Variants in GTF2F2 observed in about 807,000 individuals in gnomAD.
GTF2F2 encodes ATP-dependent helicase GTF2F2.
A neutral mutation model predicts 42.2 loss-of-function variants in GTF2F2; 23 were observed. That is an observed-to-expected ratio of 0.55 (90% CI 0.39 to 0.77). GTF2F2 has a LOEUF of 0.77. Ranked by LOEUF, GTF2F2 falls within the 30% of genes least tolerant of loss-of-function variation. The probability of loss-of-function intolerance (pLI) is 0.00; values close to 1 mark genes in which losing one functional copy is unlikely to be tolerated. For missense variants in GTF2F2, 261 were observed against 287.2 expected (o/e 0.91, Z 0.66); for synonymous variants, 105 against 100.8 (o/e 1.04, Z -0.25).
At chr13:45,174,634 C>CTTTTTTTTTTTTT (rs397950608) in intron 4 of GTF2F2, among the ~76,000 whole-genome samples, 4 of 81,500 alleles carry the variant, frequency 4.9e-5, no homozygotes, top group East Asian at 3.3e-4. Flanking sequence ...TTTCTTTTTT[C>CTTTTTTTTTTTTT]TTTTTTTTTT....
intron 4 of GTF2F2, among the ~76,000 whole-genome samples, chr13:45,181,100 G>T (rs532538549): frequency 6.6e-6 from 1 of 151,596 alleles, no homozygotes; most frequent in South Asian, 2.1e-4. Flanking sequence ...CCAGGAGGTG[G>T]AGGTTGCAGT....
intron 7 of GTF2F2, among the ~76,000 whole-genome samples, chr13:45,277,863 G>GT (rs1056871169): frequency 6.6e-6 from 1 of 152,160 alleles, no homozygotes; most frequent in African/African-American, 2.4e-5. Context: ...CATCATCAGT[G>GT]TAAGTTTGCA....
intron 5 of GTF2F2, among the ~76,000 whole-genome samples, chr13:45,240,109 T>A (rs1204034304): frequency 6.8e-6 from 1 of 146,848 alleles, no homozygotes; most frequent in Non-Finnish European, 1.5e-5. Context: ...GGATTTTTTT[T>A]TTTTTTTTTT....
intron 5 of GTF2F2, among the ~76,000 whole-genome samples, chr13:45,236,634 G>A (rs1438774810): frequency 1.3e-5 from 2 of 152,090 alleles, no homozygotes; most frequent in Non-Finnish European, 2.9e-5. Flanking sequence ...TTCCCTAAAA[G>A]CATTAGCCTA....
chr13:45,283,318 C>A, intron 7 of GTF2F2, 124 bp from the exon 8 acceptor site: 1 of 787,982 alleles, frequency 1.3e-6, no homozygotes, highest in Non-Finnish European at 1.9e-6. Flanking sequence ...ATAGAGAAAT[C>A]TTGCTGAGCT....
At chr13:45,259,156 G>A (rs1019970129) in intron 6 of GTF2F2, among the ~76,000 whole-genome samples, 1 of 152,150 alleles carries the variant, frequency 6.6e-6, no homozygotes, top group Admixed American at 6.5e-5. Context: ...GCCGGGTGCG[G>A]TGGCTCACAC....
chr13:45,234,066 TC>T (rs1163590389), intron 5 of GTF2F2, among the ~76,000 whole-genome samples: 1 of 152,218 alleles, frequency 6.6e-6, no homozygotes, highest in East Asian at 1.9e-4. Context: ...GCAACGCAGA[TC>T]ATCATATTAA....
At chr13:45,271,003 C>G (rs1007162513) in intron 7 of GTF2F2, among the ~76,000 whole-genome samples, 1 of 152,136 alleles carries the variant, frequency 6.6e-6, no homozygotes, top group African/African-American at 2.4e-5. Context: ...GAAAACTAGT[C>G]CCTGATTGGC....
intron 5 of GTF2F2, among the ~76,000 whole-genome samples, chr13:45,238,106 G>A (rs1054116126): frequency 3.9e-5 from 6 of 151,968 alleles, no homozygotes; most frequent in Non-Finnish European, 8.8e-5. Context: ...GGTGCACACC[G>A]CTGCACTCGG....
chr13:45,128,610 GAGAA>G (rs1869171473), intron 1 of GTF2F2, among the ~76,000 whole-genome samples: 1 of 151,462 alleles, frequency 6.6e-6, no homozygotes, highest in African/African-American at 2.4e-5. Flanking sequence ...TTTATTTTTT[GAGAA>G]AGAGTCTCGC....
chr13:45,158,395 T>G lies in GTF2F2; in HGVS notation c.304+6564T>G, dbSNP rs117934296. Among the ~76,000 whole-genome samples the G allele has an allele frequency of 5.2e-3, 791 of 152,348 alleles. 4 individuals are homozygous for G. Among genetic ancestry groups the G allele is most frequent in the Non-Finnish European group, 8.5e-3 (577 of 68,032 alleles). On this transcript the variant is annotated intron_variant, in intron 4 of 7. Transcript: ENST00000340473. Reference sequence around the variant, plus strand: ...GGAACTGAGTCTGTTAAACTTCTTTTTCTTTATAAATTACCCAGTCTTGGG... The same window carrying G: ...GGAACTGAGTCTGTTAAACTTCTTTGTCTTTATAAATTACCCAGTCTTGGG...
At chr13:45,121,781 T>A (rs773226340) in intron 1 of GTF2F2, among the ~76,000 whole-genome samples, 8 of 152,214 alleles carry the variant, frequency 5.3e-5, no homozygotes, top group Non-Finnish European at 1.0e-4. Context: ...GACCTCTCAT[T>A]CTTCAGCCCT....
intron 4 of GTF2F2, among the ~76,000 whole-genome samples, chr13:45,173,747 A>G (rs746547348): frequency 2.7e-5 from 4 of 149,688 alleles, no homozygotes; most frequent in Non-Finnish European, 1.5e-5. Context: ...CCCCCCGAGT[A>G]GCTGGGACTA....
intron 6 of GTF2F2, among the ~76,000 whole-genome samples, chr13:45,264,765 TAAC>T (rs1876495527): frequency 1.3e-5 from 2 of 152,228 alleles, no homozygotes; most frequent in South Asian, 2.1e-4. Context: ...GACAACTTGA[TAAC>T]AACACTTAAG....
chr13:45,228,517 G>A (rs1874489486), intron 5 of GTF2F2, among the ~76,000 whole-genome samples: 1 of 148,502 alleles, frequency 6.7e-6, no homozygotes, highest in Non-Finnish European at 1.5e-5. Context: ...CTTGAGACCA[G>A]TAGCATTTGT....
rs1566121420 is a variant in GTF2F2, at chr13:45,168,908, CT to C, written c.304+17078del. On this transcript the variant is annotated intron_variant, in intron 4 of 7. Transcript: ENST00000340473. Reference sequence around the variant, plus strand: ...CCCTCCCTCCCTCCCTCCCTCCCTCCTCCTTCCTTCCCTCCCTCCCTCCTTC... The same window carrying C: ...CCCTCCCTCCCTCCCTCCCTCCCTCCCCTTCCTTCCCTCCCTCCCTCCTTC... Among the ~76,000 whole-genome samples, 176 of 114,588 alleles carry C rather than the reference CT, an allele frequency of 1.5e-3. 2 individuals are homozygous for C. The highest frequency in any genetic ancestry group is 5.6e-3 in the African/African-American group (163 of 29,102). The allele number at this position is 114,588 out of a possible 152,430, so 75.2% of individuals were successfully genotyped here.
chr13:45,279,816 A>G (rs917959899), intron 7 of GTF2F2, among the ~76,000 whole-genome samples: 2 of 152,172 alleles, frequency 1.3e-5, no homozygotes, highest in African/African-American at 4.8e-5. Flanking sequence ...GAGGCAGGCG[A>G]ATCACTTGAA....
intron 5 of GTF2F2, among the ~76,000 whole-genome samples, chr13:45,243,406 G>C (rs114588914): frequency 6.6e-6 from 1 of 152,278 alleles, no homozygotes; most frequent in African/African-American, 2.4e-5. Flanking sequence ...AGAGATCTAG[G>C]TTGCGTGCTC....
At chr13:45,234,364 CAG>C (rs1454414210) in intron 5 of GTF2F2, among the ~76,000 whole-genome samples, 3 of 143,820 alleles carry the variant, frequency 2.1e-5, no homozygotes, top group Non-Finnish European at 3.1e-5. Flanking sequence ...AAATAATATA[CAG>C]AGTCTAGATT....
Sources: allele counts gnomAD v4.1 joint callset (sites outside exome capture counted in the v4.1 genomes callset), GRCh38; gene constraint gnomAD v4.1.1; transcripts MANE v1.5; gene names NCBI Gene and HGNC (gene_info 2026-07-23, HGNC 2026-07-21).